Variants in RANBP2 observed in about 807,000 individuals in gnomAD.
The protein encoded by RANBP2 is E3 SUMO-protein ligase RanBP2.
RANBP2 carries 57 observed loss-of-function variants against 303.6 expected under a neutral mutation model. The observed-to-expected ratio is 0.19, with a 90% CI of 0.15 to 0.23. The LOEUF is 0.23. Ranked by LOEUF, RANBP2 falls within the 10% of genes least tolerant of loss-of-function variation. The pLI, the probability that RANBP2 is intolerant of heterozygous loss-of-function variation, is 1.00. For missense variants in RANBP2, 3,138 were observed against 3,780.8 expected (o/e 0.83, Z 4.46); for synonymous variants, 1,167 against 1,301.5 (o/e 0.90, Z 2.23).
chr2:108,832,215 C>T, the RANBP2 span, among the ~76,000 whole-genome samples: 12 of 151,000 alleles, frequency 7.9e-5, no homozygotes, highest in South Asian at 2.1e-4. Context: ...TTAGTAGAGA[C>T]GGGGTTTTAC....
the RANBP2 span, among the ~76,000 whole-genome samples, chr2:108,999,595 A>G: frequency 6.6e-6 from 1 of 152,280 alleles, no homozygotes; most frequent in African/African-American, 2.4e-5. Context: ...AGTCTTGGAT[A>G]TGGCGACGCC....
chr2:109,213,781 TGGTGTGGTGTGATAG>T, the RANBP2 span, among the ~76,000 whole-genome samples: 2 of 152,008 alleles, frequency 1.3e-5, no homozygotes, highest in Non-Finnish European at 2.9e-5. Flanking sequence ...GGTCTCACTG[TGGTGTGGTGTGATAG>T]GGTGTGGTGT....
At chr2:109,215,168 G>C in the RANBP2 span, among the ~76,000 whole-genome samples, 1 of 152,174 alleles carries the variant, frequency 6.6e-6, no homozygotes, top group Non-Finnish European at 1.5e-5. Flanking sequence ...CTCTCTCTGA[G>C]CATTGCTCAA....
At chr2:109,412,406 T>C in the RANBP2 span, among the ~76,000 whole-genome samples, 1 of 152,224 alleles carries the variant, frequency 6.6e-6, no homozygotes, top group Non-Finnish European at 1.5e-5. Flanking sequence ...TGTGCTATGC[T>C]GGTTTGGGAC....
chr2:109,615,001 G>A, the RANBP2 span: 2 of 1,543,852 alleles, frequency 1.3e-6, no homozygotes, highest in South Asian at 1.2e-5. Context: ...CCAGCCCCGG[G>A]GCCCAGCGAG....
At chr2:109,164,725 T>C in the RANBP2 span, among the ~76,000 whole-genome samples, 2 of 152,184 alleles carry the variant, frequency 1.3e-5, no homozygotes, top group Non-Finnish European at 2.9e-5. Flanking sequence ...AGGCTACCAA[T>C]GTGATATCAC....
intron 14 of RANBP2, 32 bp downstream of exon 14, chr2:108,753,595 T>C (rs200143669): frequency 6.3e-7 from 1 of 1,597,422 alleles, no homozygotes; most frequent in Non-Finnish European, 8.5e-7. Context: ...GCTAAAAGTT[T>C]TATTTATTTA....
At chr2:109,661,752 T>A in the RANBP2 span, among the ~76,000 whole-genome samples, 1 of 152,206 alleles carries the variant, frequency 6.6e-6, no homozygotes, top group Non-Finnish European at 1.5e-5. Context: ...GTCTTCAGGA[T>A]ATATCCCTTG....
At chr2:109,144,872 C>T in the RANBP2 span, among the ~76,000 whole-genome samples, 22 of 152,244 alleles carry the variant, frequency 1.4e-4, no homozygotes, top group Admixed American at 1.4e-3. Context: ...GAATAGGCCT[C>T]GCTCAGCAAG....
At chr2:109,127,109 C>T in the RANBP2 span, among the ~76,000 whole-genome samples, 8 of 152,180 alleles carry the variant, frequency 5.3e-5, no homozygotes, top group African/African-American at 2.4e-5. Context: ...CTGTTGTTGG[C>T]GCTGATGTAA....
the RANBP2 span, chr2:108,907,845 C>T: frequency 6.2e-7 from 1 of 1,613,318 alleles, no homozygotes; most frequent in East Asian, 2.2e-5. Context: ...ATCATGGCAC[C>T]TGCAGGAGCC....
At chr2:109,296,993 C>T in the RANBP2 span, among the ~76,000 whole-genome samples, 1 of 152,146 alleles carries the variant, frequency 6.6e-6, no homozygotes, top group Admixed American at 6.5e-5. Flanking sequence ...CTCCTCCATT[C>T]CTGTAGCATT....
At chr2:109,392,541 G>A in the RANBP2 span, among the ~76,000 whole-genome samples, 63 of 151,700 alleles carry the variant, frequency 4.2e-4, no homozygotes, top group African/African-American at 1.5e-3. Flanking sequence ...ACGGAGTCTC[G>A]CACTGTTGCC....
At chr2:109,110,370 T>A in the RANBP2 span, among the ~76,000 whole-genome samples, 7 of 152,158 alleles carry the variant, frequency 4.6e-5, no homozygotes, top group Admixed American at 3.3e-4. Context: ...GCAGATGGCA[T>A]CTACCATCAT....
At chr2:109,382,257 G>T in the RANBP2 span, among the ~76,000 whole-genome samples, 1 of 152,146 alleles carries the variant, frequency 6.6e-6, no homozygotes, top group African/African-American at 2.4e-5. Context: ...TAACCATAGG[G>T]TCTGTCTTAG....
chr2:109,622,447 C>T, the RANBP2 span, among the ~76,000 whole-genome samples: 1 of 152,162 alleles, frequency 6.6e-6, no homozygotes, highest in African/African-American at 2.4e-5. Context: ...GAACCAAAAA[C>T]AAGCATTAAT....
At chr2:109,591,704 C>G in the RANBP2 span, among the ~76,000 whole-genome samples, 1 of 152,076 alleles carries the variant, frequency 6.6e-6, no homozygotes, top group Non-Finnish European at 1.5e-5. Flanking sequence ...CAAGACCAGC[C>G]TGGCCAACAC....
chr2:108,970,428 T>C, the RANBP2 span, among the ~76,000 whole-genome samples: 1 of 152,042 alleles, frequency 6.6e-6, no homozygotes, highest in Non-Finnish European at 1.5e-5. Context: ...GAGGCTGAGA[T>C]ATGAAGTGAG....
At chr2:109,244,366 T>G in the RANBP2 span, among the ~76,000 whole-genome samples, 1 of 152,162 alleles carries the variant, frequency 6.6e-6, no homozygotes, top group Non-Finnish European at 1.5e-5. Context: ...TCCTAATATA[T>G]AAACCTCAGG....
Sources: allele counts gnomAD v4.1 joint callset (sites outside exome capture counted in the v4.1 genomes callset), GRCh38; gene constraint gnomAD v4.1.1; transcripts MANE v1.5; gene names NCBI Gene and HGNC (gene_info 2026-07-23, HGNC 2026-07-21).